Variants in TRPC5 observed in about 807,000 individuals in gnomAD.
TRPC5 encodes the protein short transient receptor potential channel 5.
Under a neutral mutation model 56.5 loss-of-function variants are expected in TRPC5, and 9 were observed. The observed-to-expected ratio is 0.16, with a 90% CI of 0.10 to 0.28. The LOEUF (loss-of-function observed/expected upper bound fraction) is 0.28, where lower values mean the gene tolerates loss of function less well. Among genes scored for constraint, TRPC5 ranks in the 10% least tolerant of loss-of-function variants. The pLI, the probability that TRPC5 is intolerant of heterozygous loss-of-function variation, is 1.00. For synonymous variants in TRPC5, 282 were observed against 278.5 expected (o/e 1.01, Z -0.13); for missense variants, 469 against 748.9 (o/e 0.63, Z 4.36).
chrX:112,065,072 C>G (rs1478403034), intron 1 of TRPC5, among the ~76,000 whole-genome samples: 6 of 97,047 alleles, frequency 6.2e-5, no homozygotes, highest in African/African-American at 2.4e-4. Flanking sequence ...AGCGAGACTA[C>G]GTCTCAAAAA....
chrX:111,807,415 T>C (rs1290234567), intron 7 of TRPC5, among the ~76,000 whole-genome samples: 1 of 112,612 alleles, frequency 8.9e-6, no homozygotes, highest in Non-Finnish European at 1.9e-5. Context: ...CCGATTCTTT[T>C]AAATTATTTC....
chrX:111,807,569 G>A (rs755893944), intron 7 of TRPC5, among the ~76,000 whole-genome samples: 3 of 112,428 alleles, frequency 2.7e-5, no homozygotes, highest in Non-Finnish European at 5.6e-5. Context: ...ATTGGTCCCT[G>A]GTGCCTTATT....
At chrX:111,921,460 G>A (rs1431233927) in intron 2 of TRPC5, among the ~76,000 whole-genome samples, 1 of 104,057 alleles carries the variant, frequency 9.6e-6, no homozygotes, top group South Asian at 4.1e-4. Flanking sequence ...TTTTTTTTTT[G>A]AAATTATCTT....
Position 111,881,146 on chromosome X carries a change from GTTTATTTTATTTTAT to G in TRPC5, c.901-27055_901-27041del, listed in dbSNP as rs747702186. Among the ~76,000 whole-genome samples the G allele has an allele frequency of 9.5e-3, 957 of 101,134 alleles. 5 individuals carry two copies. The highest frequency in any genetic ancestry group is 0.012 in the Non-Finnish European group (647 of 51,797). 87.8% of individuals were successfully genotyped at this position (101,134 alleles called of 115,157 possible). A position where few individuals can be genotyped will look rare whatever the true frequency, so the allele number is the denominator to read the frequency against. The stretch of plus-strand genomic sequence containing the variant: ...TGCTGTTGTTTTGTGATTTTCTTTT[GTTTATTTTATTTTAT>G]TTTATTTTATTTTATTTTATTTTAT... On this transcript the variant is annotated intron_variant, in intron 3 of 10. Coordinates refer to ENST00000262839, the MANE Select transcript of TRPC5 (RefSeq NM_012471.3).
rs770557486 is a variant in TRPC5 at position 111,791,401 on chromosome X, A to C, written c.1897-9263T>G. Reference sequence around the variant, plus strand: ...ACAGCCAGATAATCACCCTGACACCAACAGAAACCATTGCTGAAACTCAGT... The same window carrying C: ...ACAGCCAGATAATCACCCTGACACCCACAGAAACCATTGCTGAAACTCAGT... On this transcript the variant is annotated intron_variant, in intron 7 of 10. Coordinates refer to ENST00000262839, the MANE Select transcript of TRPC5 (RefSeq NM_012471.3). 8.1e-5 allele frequency among the ~76,000 whole-genome samples: 9 copies of C among 111,756 alleles called. No homozygotes were observed. The East Asian group carries it at 2.0e-3, about 25-fold the overall frequency.
intron 9 of TRPC5, among the ~76,000 whole-genome samples, chrX:111,779,376 G>A (rs915569448): frequency 1.8e-5 from 2 of 111,896 alleles, no homozygotes; most frequent in African/African-American, 3.2e-5. Flanking sequence ...TTTTCCTTTA[G>A]GATGGATTAC....
chrX:111,843,241 C>T (rs1335874832), intron 6 of TRPC5, among the ~76,000 whole-genome samples: 5 of 112,449 alleles, frequency 4.4e-5, no homozygotes, highest in Non-Finnish European at 9.4e-5. Flanking sequence ...ATATCTTAGG[C>T]CCCTCTATGG....
At chrX:111,980,911 G>GTATATA (rs764889761) in intron 1 of TRPC5, among the ~76,000 whole-genome samples, 9 of 93,876 alleles carry the variant, frequency 9.6e-5, no homozygotes, top group African/African-American at 3.8e-4. Flanking sequence ...TTATATATAT[G>GTATATA]TATATATATA....
intron 1 of TRPC5, among the ~76,000 whole-genome samples, chrX:112,001,118 C>A (rs748679661): frequency 8.9e-6 from 1 of 112,150 alleles, no homozygotes; most frequent in Non-Finnish European, 1.9e-5. Context: ...GTTTTTCAGG[C>A]CAAAAAACTT....
At chrX:111,859,062 C>T (rs1489340281) in intron 3 of TRPC5, among the ~76,000 whole-genome samples, 1 of 111,405 alleles carries the variant, frequency 9.0e-6, no homozygotes, top group Non-Finnish European at 1.9e-5. Context: ...GGAGCAACAC[C>T]GTTTGTAGAT....
Position 112,071,750 on chromosome X carries a change from C to G in TRPC5, c.-22+10129G>C, listed in dbSNP as rs1434877685. 8.0e-5 allele frequency among the ~76,000 whole-genome samples: 9 copies of G among 112,001 alleles called. No individual in the cohort carries two copies. The Admixed American group carries it at 8.5e-4, about 11-fold the overall frequency. ...CCAGGCATTAAAAATGTGAAGACCA[C>G]TTTTAGCTTGAGGCCACACCAAAAC... On this transcript the variant is annotated intron_variant, in intron 1 of 10. Transcript: ENST00000262839.
chrX:111,965,784 A>C (rs1345135673), intron 1 of TRPC5, among the ~76,000 whole-genome samples: 3 of 111,936 alleles, frequency 2.7e-5, no homozygotes, highest in African/African-American at 9.8e-5. Flanking sequence ...AACGAGAACA[A>C]AGACACAACA....
intron 8 of TRPC5, among the ~76,000 whole-genome samples, chrX:111,781,491 C>A (rs1287913778): frequency 9.0e-6 from 1 of 111,475 alleles, no homozygotes; most frequent in African/African-American, 3.3e-5. Flanking sequence ...TTTGGGAGGC[C>A]AAGGCAGGAG....
At position 111,992,606 on chromosome X, in the gene TRPC5, T is replaced by TA. The variant is rs777601124; in HGVS notation, c.-21-40166dup. 3.7e-3 allele frequency among the ~76,000 whole-genome samples: 405 copies of TA among 108,039 alleles called. 2 individuals are homozygous for TA. Among genetic ancestry groups the TA allele is most frequent in the African/African-American group, 0.012 (365 of 29,693 alleles). The allele number at this position is 108,039 out of a possible 115,157, so 93.8% of individuals were successfully genotyped here. On this transcript the variant is annotated intron_variant, in intron 1 of 10. Transcript: ENST00000262839. ...TTTAAAACATTATTATTATTATTAT[T>TA]ATTATTATTATTTTGAGACTGAGTC...
At chrX:111,983,371 T>C (rs146701370) in intron 1 of TRPC5, among the ~76,000 whole-genome samples, 1 of 111,216 alleles carries the variant, frequency 9.0e-6, no homozygotes, top group African/African-American at 3.3e-5. Context: ...AGTGGCTGAG[T>C]AAAGAGCCTG....
chrX:111,874,894 T>C (rs1414620472), intron 3 of TRPC5, among the ~76,000 whole-genome samples: 1 of 112,583 alleles, frequency 8.9e-6, no homozygotes, highest in East Asian at 2.8e-4. Context: ...GTCAACAGTG[T>C]CTAAAATATT....
intron 8 of TRPC5, 69 bp downstream of exon 8, chrX:111,781,866 A>T (rs1167432625): frequency 9.9e-7 from 1 of 1,014,994 alleles, no homozygotes; most frequent in East Asian, 3.1e-5. Context: ...ACTGCACTCC[A>T]GCCTGGGTGA....
intron 1 of TRPC5, among the ~76,000 whole-genome samples, chrX:111,963,402 G>A (rs1341141271): frequency 8.9e-6 from 1 of 112,323 alleles, no homozygotes; most frequent in Non-Finnish European, 1.9e-5. Context: ...TGGGGGCAGG[G>A]CACAGACAAA....
chrX:111,936,058 T>G (rs1265810226), intron 2 of TRPC5, among the ~76,000 whole-genome samples: 1 of 112,237 alleles, frequency 8.9e-6, no homozygotes, highest in Non-Finnish European at 1.9e-5. Context: ...GTATGTACAT[T>G]TTAGCAATAT....
Sources: gnomAD v4.1 joint callset for allele counts (sites outside exome capture counted in the v4.1 genomes callset) on GRCh38, gnomAD v4.1.1 for gene constraint, MANE v1.5 for transcripts, NCBI Gene and HGNC (gene_info 2026-07-23, HGNC 2026-07-21) for gene names.